The following APBA1 variants were observed in gnomAD, a reference collection of about 807,000 sequenced individuals.
APBA1 encodes amyloid beta precursor protein binding family A member 1, also known as amyloid-beta A4 precursor protein-binding family A member 1.
APBA1 carries 55 observed loss-of-function variants against 86.6 expected under a neutral mutation model. The observed-to-expected ratio is 0.64, with a 90% CI of 0.51 to 0.80. The LOEUF (loss-of-function observed/expected upper bound fraction) is 0.80. Among genes scored for constraint, APBA1 ranks in the 30% least tolerant of loss-of-function variants. APBA1 has a pLI of 0.00. For missense variants in APBA1, 1,090 were observed against 1,183.0 expected, an observed-to-expected ratio of 0.92 and a Z score of 1.15; for synonymous variants, 511 against 493.9, an observed-to-expected ratio of 1.03 and a Z score of -0.46.
chr9:69,623,240 C>G (rs1226386010), intron 1 of APBA1, among the ~76,000 whole-genome samples: 2 of 152,104 alleles, frequency 1.3e-5, no homozygotes, highest in East Asian at 3.9e-4. Flanking sequence ...CTCTGGTTTA[C>G]TGACCTGAGG....
intron 1 of APBA1, among the ~76,000 whole-genome samples, chr9:69,622,690 C>T (rs1037213125): frequency 3.3e-5 from 5 of 152,110 alleles, no homozygotes; most frequent in Non-Finnish European, 5.9e-5. Context: ...GTCACCCTCA[C>T]GTCATCTATG....
chr9:69,655,028 A>G lies in APBA1; in HGVS notation c.-70+17125T>C, dbSNP rs142144686. 2.2e-4 allele frequency among the ~76,000 whole-genome samples: 33 copies of G among 152,350 alleles called. No homozygotes were observed. The East Asian group carries it at 5.8e-3, about 27-fold the overall frequency. On this transcript the variant is annotated intron_variant, in intron 1 of 12. Coordinates refer to ENST00000265381, the MANE Select transcript of APBA1 (RefSeq NM_001163.4). ...ACATCCTTGATGATAAAAATGCTCA[A>G]CAAATTAGGTACAGAAGGAATATAT... is the stretch of plus-strand genomic sequence containing the variant.
At chr9:69,513,397 G>A (rs1836083911) in intron 2 of APBA1, among the ~76,000 whole-genome samples, 1 of 152,250 alleles carries the variant, frequency 6.6e-6, no homozygotes, top group African/African-American at 2.4e-5. Context: ...GCTGAAGGAA[G>A]AGGCCAGCAT....
chr9:69,453,417 T>G (rs1835044860), intron 8 of APBA1, among the ~76,000 whole-genome samples: 1 of 152,234 alleles, frequency 6.6e-6, no homozygotes, highest in African/African-American at 2.4e-5. Context: ...GCTTCTACAC[T>G]GGGTTTTGAT....
chr9:69,635,455 C>A (rs1823137391), intron 1 of APBA1, among the ~76,000 whole-genome samples: 1 of 151,434 alleles, frequency 6.6e-6, no homozygotes, highest in Non-Finnish European at 1.5e-5. Context: ...CACAATACAG[C>A]CAGAAAAAAA....
chr9:69,467,946 T>C lies in APBA1; in HGVS notation c.1359A>G (p.Glu453=), dbSNP rs1835306695. ...CAAAAATGATTCCATCGATCAAGTC[T>C]TCGGGGTCGCAGGGTCCCGGAACTG... ...YVEVPGPCDP[E]DLIDGIIFAA... Residue 453 remains glutamate, a synonymous_variant, in exon 5 of 13, where the codon GAA becomes GAG. Coordinates refer to ENST00000265381, the MANE Select transcript of APBA1 (RefSeq NM_001163.4). 1.9e-6 allele frequency: 3 copies of C among 1,614,044 alleles called. No homozygotes were observed. The African/African-American group carries it at 4.0e-5, about 22-fold the overall frequency.
intron 5 of APBA1, among the ~76,000 whole-genome samples, chr9:69,467,099 C>T (rs1288456157): frequency 3.3e-5 from 5 of 152,164 alleles, no homozygotes; most frequent in African/African-American, 1.2e-4. Context: ...GCCCATGATT[C>T]TAGGTAGTTT....
chr9:69,499,226 C>A (rs1476537819), intron 2 of APBA1, among the ~76,000 whole-genome samples: 1 of 152,114 alleles, frequency 6.6e-6, no homozygotes, highest in Non-Finnish European at 1.5e-5. Context: ...TTCCTCTTAA[C>A]AGCACAAATG....
chr9:69,587,987 T>C (rs115156161), intron 1 of APBA1, among the ~76,000 whole-genome samples: 5,260 of 140,012 alleles, frequency 0.038, 160 homozygotes, highest in African/African-American at 0.087. Flanking sequence ...GATTGTGCCA[T>C]CGTACTGCAG....
intron 10 of APBA1, among the ~76,000 whole-genome samples, chr9:69,442,631 C>T (rs1196924969): frequency 6.6e-6 from 1 of 152,134 alleles, no homozygotes; most frequent in Non-Finnish European, 1.5e-5. Flanking sequence ...CAGTTTGCGC[C>T]CTCTACGAGT....
chr9:69,504,321 A>T (rs962881317), intron 2 of APBA1, among the ~76,000 whole-genome samples: 3 of 151,958 alleles, frequency 2.0e-5, no homozygotes, highest in Non-Finnish European at 4.4e-5. Context: ...TGTTCCTACT[A>T]CTTTCCACCT....
In APBA1 at chr9:69,546,971, T is replaced by C. The variant is rs542091736; in HGVS notation, c.-69-29692A>G. On this transcript the variant is annotated intron_variant, in intron 1 of 12. Transcript: ENST00000265381. Reference sequence around the variant, plus strand: ...AAAGTGTTACGCATACATTTAAAACTACTTCTGTTTTGAAATTATTAGGGC... The same window carrying C: ...AAAGTGTTACGCATACATTTAAAACCACTTCTGTTTTGAAATTATTAGGGC... Among the ~76,000 whole-genome samples the C allele has an allele frequency of 4.6e-5, 7 of 152,374 alleles. No individual in the cohort carries two copies. In the South Asian group the frequency reaches 1.4e-3, roughly 32 times the overall value.
At chr9:69,550,065 G>A (rs1002443751) in intron 1 of APBA1, among the ~76,000 whole-genome samples, 1 of 152,132 alleles carries the variant, frequency 6.6e-6, no homozygotes, top group Non-Finnish European at 1.5e-5. Context: ...ATTGTTATGA[G>A]GTCTAAATTA....
intron 8 of APBA1, among the ~76,000 whole-genome samples, chr9:69,455,754 G>T (rs145128867): frequency 6.6e-6 from 1 of 152,222 alleles, no homozygotes; most frequent in East Asian, 1.9e-4. Flanking sequence ...ACCCCTACAG[G>T]AGGTGCCAAA....
At chr9:69,654,514 A>T (rs1823570930) in intron 1 of APBA1, among the ~76,000 whole-genome samples, 1 of 152,130 alleles carries the variant, frequency 6.6e-6, no homozygotes, top group African/African-American at 2.4e-5. Flanking sequence ...AAAAGAATAG[A>T]AAACCTGAAT....
intron 12 of APBA1, among the ~76,000 whole-genome samples, chr9:69,432,138 G>A (rs1173384683): frequency 2.0e-5 from 3 of 152,192 alleles, no homozygotes; most frequent in Non-Finnish European, 2.9e-5. Flanking sequence ...ACTGCACTGG[G>A]GTCACACCTC....
intron 1 of APBA1, among the ~76,000 whole-genome samples, chr9:69,559,953 C>T (rs1836922764): frequency 6.6e-6 from 1 of 152,110 alleles, no homozygotes. Context: ...TAGTTTTGGC[C>T]CCCACACCAG....
intron 1 of APBA1, among the ~76,000 whole-genome samples, chr9:69,587,084 C>CTT (rs375807375): frequency 1.3e-5 from 2 of 152,072 alleles, no homozygotes; most frequent in Non-Finnish European, 2.9e-5. Flanking sequence ...CATTTTTGTC[C>CTT]TTTTTTTGCC....
At chr9:69,650,213 C>A (rs535056451) in intron 1 of APBA1, among the ~76,000 whole-genome samples, 9 of 152,168 alleles carry the variant, frequency 5.9e-5, no homozygotes, top group Non-Finnish European at 1.0e-4. Context: ...GTGTCCTCAT[C>A]TGCAAAATGA....
Sources: allele counts gnomAD v4.1 joint callset (sites outside exome capture counted in the v4.1 genomes callset), GRCh38; gene constraint gnomAD v4.1.1; transcripts MANE v1.5; gene names NCBI Gene and HGNC (gene_info 2026-07-23, HGNC 2026-07-21).